DEFB118: variants seen among roughly 807,000 people sequenced by gnomAD.
DEFB118 encodes defensin beta 118, also known as defensin, beta 18.
DEFB118 carries 3 observed loss-of-function variants against 2.8 expected under a neutral mutation model. That is an observed-to-expected ratio of 1.09 (90% CI 0.50 to 2.82). The LOEUF is 2.82. Ranked by LOEUF, DEFB118 falls within the 30% of genes most tolerant of loss-of-function variation. DEFB118 has a pLI of 0.04. For missense variants in DEFB118, 159 were observed against 144.6 expected (o/e 1.10, Z -0.51); for synonymous variants, 63 against 53.5 (o/e 1.18, Z -0.78).
Position 31,373,192 on chromosome 20 carries a change from C to T in DEFB118, c.*22C>T. 6.2e-7 allele frequency: 1 copy of T among 1,602,566 alleles called. No homozygotes were observed. The highest frequency in any genetic ancestry group is 1.1e-5 in the South Asian group (1 of 89,852). On this transcript the variant is annotated 3_prime_UTR_variant, in exon 2 of 2. Transcript: ENST00000253381. ...ATGACTTCCTCTCGGCTATCACTCACCCCTGTCCTCAGAGTGATAAACTAA... is the reference window on the plus strand; with the variant it reads ...ATGACTTCCTCTCGGCTATCACTCATCCCTGTCCTCAGAGTGATAAACTAA...
intron 1 of DEFB118, among the ~76,000 whole-genome samples, chr20:31,370,647 C>G (rs986106480): frequency 1.3e-5 from 2 of 152,188 alleles, no homozygotes; most frequent in Non-Finnish European, 2.9e-5. Context: ...AGATATCTCC[C>G]TACCCTCTCA....
intron 1 of DEFB118, among the ~76,000 whole-genome samples, chr20:31,369,934 A>G (rs73105971): frequency 0.17 from 25,577 of 152,146 alleles, 2,843 homozygotes; most frequent in African/African-American, 0.31. Context: ...CTAGAGGGCA[A>G]ATAACCAAGT....
intron 1 of DEFB118, among the ~76,000 whole-genome samples, chr20:31,370,563 T>G (rs958772624): frequency 2.0e-5 from 3 of 152,074 alleles, no homozygotes; most frequent in African/African-American, 4.8e-5. Flanking sequence ...AAGCATAAAG[T>G]CTTGATGCTT....
rs1377092726 is a variant in DEFB118, at chr20:31,373,096, A to G, written c.298A>G (p.Lys100Glu). Residue 100 changes from lysine to glutamate, a missense_variant, in exon 2 of 2, where the codon AAA becomes GAA. Lys to Glu is a moderately conservative substitution (Grantham distance 56, BLOSUM62 1). Coordinates refer to ENST00000253381, the MANE Select transcript of DEFB118 (RefSeq NM_054112.3). ...AGACTACTTTGAAGTAAGCAGCAAG[A>G]AAGATATGGTTGAAGAGTCTGAGGC... is the stretch of plus-strand genomic sequence containing the variant. ...TTDYFEVSSK[K>E]DMVEESEAGR... is the part of the protein sequence containing the mutation. 1 of 1,614,224 alleles carries G rather than the reference A, an allele frequency of 6.2e-7. No individual in the cohort carries two copies. Among genetic ancestry groups the G allele is most frequent in the East Asian group, 2.2e-5 (1 of 44,888 alleles).
intron 1 of DEFB118, among the ~76,000 whole-genome samples, chr20:31,372,144 A>G (rs895037578): frequency 7.9e-5 from 12 of 152,240 alleles, no homozygotes; most frequent in Admixed American, 7.2e-4. Context: ...TTGTGCTGCA[A>G]TAAACATACA....
intron 1 of DEFB118, among the ~76,000 whole-genome samples, chr20:31,369,385 G>GC (rs1555824414): frequency 9.6e-6 from 1 of 103,916 alleles, no homozygotes; most frequent in African/African-American, 3.8e-5. Flanking sequence ...GCACTCTTGT[G>GC]TTTTTTTTTT....
chr20:31,373,125 A>C lies in DEFB118; in HGVS notation c.327A>C (p.Gly109=). 6.2e-7 allele frequency: 1 copy of C among 1,614,072 alleles called. No individual in the cohort carries two copies. The highest frequency in any genetic ancestry group is 1.1e-5 in the South Asian group (1 of 91,068). ...KKDMVEESEA[G]RGTETSLPNV... is the part of the protein sequence containing the mutation. Reference sequence around the variant, plus strand: ...ATATGGTTGAAGAGTCTGAGGCGGGAAGGGGAACTGAGACCTCTCTTCCAA... The same window carrying C: ...ATATGGTTGAAGAGTCTGAGGCGGGCAGGGGAACTGAGACCTCTCTTCCAA... Residue 109 remains glycine (G), a synonymous_variant, in exon 2 of 2, where the codon GGA becomes GGC. Coordinates refer to ENST00000253381, the MANE Select transcript of DEFB118 (RefSeq NM_054112.3).
At chr20:31,369,056 C>G (rs1217615564) in intron 1 of DEFB118, among the ~76,000 whole-genome samples, 2 of 152,198 alleles carry the variant, frequency 1.3e-5, no homozygotes, top group African/African-American at 4.8e-5. Flanking sequence ...CCTGCTATAG[C>G]TATAATGAGG....
At chr20:31,371,041 C>T (rs1361910108) in intron 1 of DEFB118, among the ~76,000 whole-genome samples, 1 of 152,200 alleles carries the variant, frequency 6.6e-6, no homozygotes, top group African/African-American at 2.4e-5. Context: ...GCATTTCTCT[C>T]ATCATCCTGT....
At position 31,373,026 on chromosome 20, in the gene DEFB118, A is replaced by C. The variant is rs1986242342; in HGVS notation, c.228A>C (p.Ser76=). ...PATSPTPLSD[S]TPGIIDDILT... ...CATCTCCCACACCCTTGAGTGACTC[A>C]ACACCAGGAATTATTGATGATATTT... Residue 76 remains serine, a synonymous_variant, in exon 2 of 2, where the codon TCA becomes TCC. Transcript: ENST00000253381. 1 of 1,614,060 alleles carries C rather than the reference A, an allele frequency of 6.2e-7. No homozygotes were observed. Among genetic ancestry groups the C allele is most frequent in the African/African-American group, 1.3e-5 (1 of 74,924 alleles).
intron 1 of DEFB118, among the ~76,000 whole-genome samples, chr20:31,369,023 T>G (rs1229919960): frequency 1.3e-5 from 2 of 152,236 alleles, no homozygotes; most frequent in Non-Finnish European, 1.5e-5. Context: ...CCCACTTTGC[T>G]ATGTTTTCTT....
Position 31,369,396 on chromosome 20 carries a change from T to G in DEFB118, c.58+688T>G, listed in dbSNP as rs954391341. On this transcript the variant is annotated intron_variant, in intron 1 of 1. Transcript: ENST00000253381. The stretch of plus-strand genomic sequence containing the variant: ...TGCAGCACTCTTGTGTTTTTTTTTT[T>G]TTTTTTTTTTGAAGATGGAATCTCA... Among the ~76,000 whole-genome samples, 464 of 148,190 alleles carry G rather than the reference T, an allele frequency of 3.1e-3. 4 individuals are homozygous for G. The highest frequency in any genetic ancestry group is 0.011 in the African/African-American group (448 of 39,706).
Position 31,372,873 on chromosome 20 carries a change from A to G in DEFB118, c.75A>G (p.Lys25=). Residue 25 remains lysine (K), a synonymous_variant, in exon 2 of 2, where the codon AAA becomes AAG. Transcript: ENST00000253381. ...PQVIPAYSGE[K]KCWNRSGHCR... ...ATTATTCAGCCTATAGTGGTGAAAA[A>G]AAATGCTGGAACAGATCAGGGCACT... The G allele has an allele frequency of 1.9e-6, 3 of 1,613,918 alleles. No homozygotes were observed. The highest frequency in any genetic ancestry group is 2.5e-6 in the Non-Finnish European group (3 of 1,179,870).
chr20:31,373,282 T>G lies in DEFB118; in HGVS notation c.*112T>G. The stretch of plus-strand genomic sequence containing the variant: ...CTCCCACCCCCCACCAATATGTAAT[T>G]CTATTAATAGAAACAGCTGTGTAAA... On this transcript the variant is annotated 3_prime_UTR_variant, in exon 2 of 2. Transcript: ENST00000253381. 1 of 933,132 alleles carries G rather than the reference T, an allele frequency of 1.1e-6. No homozygotes were observed. Among genetic ancestry groups the G allele is most frequent in the South Asian group, 1.7e-5 (1 of 57,762 alleles). The allele number at this position is 933,132 out of a possible 1,614,324, so 57.8% of individuals were successfully genotyped here.
At chr20:31,369,966 T>C (rs1228522570) in intron 1 of DEFB118, among the ~76,000 whole-genome samples, 2 of 151,876 alleles carry the variant, frequency 1.3e-5, no homozygotes, top group African/African-American at 4.8e-5. Context: ...CTGGTGGGGG[T>C]GGGCAAGAAA....
chr20:31,368,750 G>C (rs748057773), intron 1 of DEFB118, 42 bp downstream of exon 1: 31 of 1,587,162 alleles, frequency 2.0e-5, no homozygotes, highest in Non-Finnish European at 2.7e-5. Context: ...GAGGTATAGT[G>C]GGTTCTGGCT....
chr20:31,368,964 A>G (rs1457311076), intron 1 of DEFB118, among the ~76,000 whole-genome samples: 2 of 152,178 alleles, frequency 1.3e-5, no homozygotes, highest in Admixed American at 1.3e-4. Flanking sequence ...CTCGGCTCAC[A>G]TCTGTTCTCT....
chr20:31,371,738 A>T (rs1344973154), intron 1 of DEFB118, among the ~76,000 whole-genome samples: 4 of 152,188 alleles, frequency 2.6e-5, no homozygotes, highest in Non-Finnish European at 5.9e-5. Context: ...TTTTGGTTAC[A>T]TGGATGAATT....
In DEFB118 at chr20:31,373,260, C is replaced by A; in HGVS notation, c.*90C>A. On this transcript the variant is annotated 3_prime_UTR_variant, in exon 2 of 2. Transcript: ENST00000253381. ...CACTGAAAACACCACAGTGACCCTC[C>A]CACCCCCCACCAATATGTAATTCTA... is the stretch of plus-strand genomic sequence containing the variant. 1 of 1,107,104 alleles carries A rather than the reference C, an allele frequency of 9.0e-7. No individual in the cohort carries two copies. Among genetic ancestry groups the A allele is most frequent in the Non-Finnish European group, 1.3e-6 (1 of 780,602 alleles). The allele number at this position is 1,107,104 out of a possible 1,614,324, so 68.6% of individuals were successfully genotyped here. A position where few individuals can be genotyped will look rare whatever the true frequency, so the allele number is the denominator to read the frequency against.
Sources: allele counts gnomAD v4.1 joint callset (sites outside exome capture counted in the v4.1 genomes callset), GRCh38; gene constraint gnomAD v4.1.1; transcripts MANE v1.5; gene names NCBI Gene and HGNC (gene_info 2026-07-23, HGNC 2026-07-21).